The following ZFAT variants were observed in gnomAD, a reference collection of about 807,000 sequenced individuals.
ZFAT encodes zinc finger and AT-hook domain containing, also known as zinc finger protein ZFAT.
A neutral mutation model predicts 117.7 loss-of-function variants in ZFAT; 64 were observed. The observed-to-expected ratio is 0.54, with a 90% CI of 0.44 to 0.67. The LOEUF is 0.67. Ranked by LOEUF, ZFAT falls within the 30% of genes least tolerant of loss-of-function variation. The pLI, the probability that ZFAT is intolerant of heterozygous loss-of-function variation, is 0.00. For missense variants in ZFAT, 1,433 were observed against 1,584.5 expected (o/e 0.90, Z 1.62); for synonymous variants, 679 against 615.0 (o/e 1.10, Z -1.54).
intron 2 of ZFAT, among the ~76,000 whole-genome samples, chr8:134,653,287 A>T (rs558592076): frequency 1.2e-4 from 14 of 116,172 alleles, no homozygotes; most frequent in African/African-American, 4.7e-4. Context: ...AAAAAAAAAA[A>T]AAAACAAAAA....
Position 134,697,704 on chromosome 8 carries a change from G to A in ZFAT, c.19+15141C>T, listed in dbSNP as rs180826796. Among the ~76,000 whole-genome samples, 556 of 150,654 alleles carry A rather than the reference G, an allele frequency of 3.7e-3. 8 individuals are homozygous for A. Among genetic ancestry groups the A allele is most frequent in the African/African-American group, 0.013 (520 of 41,258 alleles). On this transcript the variant is annotated intron_variant, in intron 1 of 15. Transcript: ENST00000377838. ...ATCGCGCCACTGCACTCCAGCCTGG[G>A]CGACAGAGCGAGACTCCATCTCAAA...
chr8:134,582,291 C>A (rs568192128), intron 10 of ZFAT, among the ~76,000 whole-genome samples: 13 of 152,354 alleles, frequency 8.5e-5, no homozygotes, highest in African/African-American at 3.1e-4. Flanking sequence ...CAGAACCAGG[C>A]ATGAGACGAC....
intron 11 of ZFAT, among the ~76,000 whole-genome samples, chr8:134,552,860 T>C (rs1015664905): frequency 6.6e-6 from 1 of 152,264 alleles, no homozygotes; most frequent in Non-Finnish European, 1.5e-5. Flanking sequence ...CAGACCTGAA[T>C]TCCCTTTTTG....
rs889152857 is a variant in ZFAT, at chr8:134,533,027, G to A, written c.2977-55C>T. ...AGGTGAGCCCCAGATGTCTGCCTTC[G>A]CTGCTGCTCCCACCTGGTGAGCATC... On this transcript the variant is annotated intron_variant, in intron 11 of 15. Transcript: ENST00000377838. 4.6e-5 allele frequency: 71 copies of A among 1,553,922 alleles called. No homozygotes were observed. In the African/African-American group the frequency reaches 7.7e-4, roughly 17 times the overall value.
intron 2 of ZFAT, among the ~76,000 whole-genome samples, chr8:134,655,994 C>CT (rs1249389339): frequency 2.6e-5 from 4 of 152,164 alleles, no homozygotes; most frequent in Non-Finnish European, 5.9e-5. Flanking sequence ...GCGGAGGTGA[C>CT]TAAACACAGT....
intron 14 of ZFAT, among the ~76,000 whole-genome samples, chr8:134,512,161 T>C (rs1819898334): frequency 6.6e-6 from 1 of 152,232 alleles, no homozygotes; most frequent in African/African-American, 2.4e-5. Flanking sequence ...AGCAACCTTC[T>C]GCATCTGTGA....
At chr8:134,615,691 C>A (rs1828673275) in intron 3 of ZFAT, among the ~76,000 whole-genome samples, 1 of 152,202 alleles carries the variant, frequency 6.6e-6, no homozygotes, top group African/African-American at 2.4e-5. Flanking sequence ...AAGACTGCCC[C>A]AAATACACAC....
chr8:134,746,578 C>T, the ZFAT span, among the ~76,000 whole-genome samples: 1 of 152,176 alleles, frequency 6.6e-6, no homozygotes, highest in African/African-American at 2.4e-5. Context: ...CCTTGTGTTG[C>T]TGAACTTTTT....
At chr8:134,496,826 T>C (rs1329656807) in intron 15 of ZFAT, among the ~76,000 whole-genome samples, 6 of 152,160 alleles carry the variant, frequency 3.9e-5, no homozygotes, top group Admixed American at 3.9e-4. Flanking sequence ...TCTTCACCAC[T>C]GCCTGGAGAG....
chr8:134,741,224 G>A, the ZFAT span, among the ~76,000 whole-genome samples: 742 of 150,870 alleles, frequency 4.9e-3, 6 homozygotes, highest in African/African-American at 0.017. Flanking sequence ...ACCCCTCATA[G>A]ACAAAGTTCT....
intron 9 of ZFAT, among the ~76,000 whole-genome samples, chr8:134,585,160 C>T (rs971728185): frequency 1.3e-5 from 2 of 152,174 alleles, no homozygotes; most frequent in African/African-American, 4.8e-5. Context: ...CACCAGATCC[C>T]TCGTTCTGGG....
At chr8:134,611,594 G>A (rs993460860) in intron 3 of ZFAT, among the ~76,000 whole-genome samples, 4 of 152,352 alleles carry the variant, frequency 2.6e-5, no homozygotes, top group African/African-American at 9.6e-5. Context: ...GAAGCTGGAA[G>A]GAAAGGAGGC....
At chr8:134,812,743 C>T in the ZFAT span, among the ~76,000 whole-genome samples, 1 of 152,094 alleles carries the variant, frequency 6.6e-6, no homozygotes, top group Non-Finnish European at 1.5e-5. Context: ...CTCAATCAAT[C>T]AGTCAATCAA....
At chr8:134,737,139 A>G in the ZFAT span, among the ~76,000 whole-genome samples, 2 of 151,908 alleles carry the variant, frequency 1.3e-5, no homozygotes, top group Non-Finnish European at 2.9e-5. Flanking sequence ...AATTAGCTGG[A>G]CGTGGTGGCG....
intron 1 of ZFAT, among the ~76,000 whole-genome samples, chr8:134,707,143 C>T (rs1834172667): frequency 6.6e-6 from 1 of 152,118 alleles, no homozygotes; most frequent in Non-Finnish European, 1.5e-5. Context: ...CTACAGGGCA[C>T]CTCTGCTCAC....
At chr8:134,506,911 A>G (rs1819458928) in intron 15 of ZFAT, among the ~76,000 whole-genome samples, 1 of 152,250 alleles carries the variant, frequency 6.6e-6, no homozygotes, top group African/African-American at 2.4e-5. Flanking sequence ...ATACTTTATG[A>G]TGAGGAATTC....
chr8:134,731,688 T>A, the ZFAT span, among the ~76,000 whole-genome samples: 5 of 152,248 alleles, frequency 3.3e-5, no homozygotes, highest in African/African-American at 9.6e-5. Context: ...TTCAATTTTT[T>A]AAAAAGGGTT....
intron 1 of ZFAT, among the ~76,000 whole-genome samples, chr8:134,666,682 G>A (rs1172641124): frequency 6.6e-6 from 1 of 152,038 alleles, no homozygotes; most frequent in Non-Finnish European, 1.5e-5. Flanking sequence ...CAAAGGATGG[G>A]CTCAAAGCAG....
chr8:134,625,201 C>T (rs529462416), intron 3 of ZFAT, among the ~76,000 whole-genome samples: 4 of 152,350 alleles, frequency 2.6e-5, no homozygotes, highest in Non-Finnish European at 5.9e-5. Flanking sequence ...CACCTGCTTC[C>T]AGCATGTGCT....
Sources: gnomAD v4.1 joint callset for allele counts (sites outside exome capture counted in the v4.1 genomes callset) on GRCh38, gnomAD v4.1.1 for gene constraint, MANE v1.5 for transcripts, NCBI Gene and HGNC (gene_info 2026-07-23, HGNC 2026-07-21) for gene names.